Variants in CNTN6 observed in about 807,000 individuals in gnomAD.
CNTN6 encodes the protein contactin-6.
Under a neutral mutation model 122.8 loss-of-function variants are expected in CNTN6, and 137 were observed. The ratio of observed to expected loss-of-function variants is 1.12; its 90% CI spans 0.97 to 1.29. The LOEUF (loss-of-function observed/expected upper bound fraction) is 1.29. Among genes scored for constraint, CNTN6 ranks in the 50% most tolerant of loss-of-function variants. The probability of loss-of-function intolerance (pLI) is 0.00; values close to 1 mark genes in which losing one functional copy is unlikely to be tolerated. For synonymous variants in CNTN6, 570 were observed against 426.0 expected (o/e 1.34, Z -4.16); for missense variants, 1,634 against 1,223.4 (o/e 1.34, Z -5.01).
chr3:1,218,091 A>T (rs1163442683), intron 2 of CNTN6, among the ~76,000 whole-genome samples: 1 of 152,050 alleles, frequency 6.6e-6, no homozygotes, highest in Non-Finnish European at 1.5e-5. Flanking sequence ...AACCTGAGAG[A>T]GGCGAGAGAG....
intron 5 of CNTN6, among the ~76,000 whole-genome samples, chr3:1,282,883 G>C (rs1303200953): frequency 6.6e-6 from 1 of 152,134 alleles, no homozygotes; most frequent in Non-Finnish European, 1.5e-5. Flanking sequence ...AAATTTACTA[G>C]TTGGCCAAAC....
intron 8 of CNTN6, among the ~76,000 whole-genome samples, chr3:1,322,370 A>G (rs1700977605): frequency 6.6e-6 from 1 of 151,708 alleles, no homozygotes; most frequent in African/African-American, 2.4e-5. Context: ...AAGAGAGACG[A>G]TGAATGCATA....
rs539338364 is a variant in CNTN6, at chr3:1,194,760, C to T, written c.56-25927C>T. Among the ~76,000 whole-genome samples, 4 of 152,182 alleles carry T rather than the reference C, an allele frequency of 2.6e-5. No homozygotes were observed. In the East Asian group the frequency reaches 7.7e-4, roughly 29 times the overall value. On this transcript the variant is annotated intron_variant, in intron 2 of 22. Transcript: ENST00000446702. ...TTCATTTCTCCCAATACCCCAGAGC[C>T]AATTTTCACCTCCTTGGGGGTGATG...
intron 3 of CNTN6, among the ~76,000 whole-genome samples, chr3:1,221,816 G>C (rs1333793355): frequency 6.6e-6 from 1 of 152,082 alleles, no homozygotes; most frequent in African/African-American, 2.4e-5. Context: ...GTAGCTTTGG[G>C]TTTTAAAACC....
chr3:1,220,998 T>A (rs2094200481), intron 3 of CNTN6, among the ~76,000 whole-genome samples, 185 bp downstream of exon 3: 1 of 152,152 alleles, frequency 6.6e-6, no homozygotes, highest in African/African-American at 2.4e-5. Flanking sequence ...TACCCCAGGG[T>A]ATTCCCTCAT....
chr3:1,388,612 T>C (rs1693573288), intron 20 of CNTN6, among the ~76,000 whole-genome samples: 1 of 148,564 alleles, frequency 6.7e-6, no homozygotes, highest in Non-Finnish European at 1.5e-5. Flanking sequence ...ATCAAATTAC[T>C]CTGAGCTACG....
At chr3:1,127,596 C>T (rs1467122366) in intron 1 of CNTN6, among the ~76,000 whole-genome samples, 1 of 151,818 alleles carries the variant, frequency 6.6e-6, no homozygotes, top group Non-Finnish European at 1.5e-5. Context: ...CAGAAGAAGC[C>T]TGTGAAGTCA....
At chr3:1,127,953 T>G (rs1482231594) in intron 1 of CNTN6, among the ~76,000 whole-genome samples, 3 of 151,868 alleles carry the variant, frequency 2.0e-5, no homozygotes, top group African/African-American at 7.2e-5. Context: ...TTAAATTGAG[T>G]GAGCACAGTC....
intron 1 of CNTN6, among the ~76,000 whole-genome samples, chr3:1,127,139 A>G (rs1458641678): frequency 6.6e-6 from 1 of 151,796 alleles, no homozygotes; most frequent in Admixed American, 6.6e-5. Context: ...TATTTCATTT[A>G]CGAGCAAAAT....
At chr3:1,319,109 G>A (rs1700501436) in intron 7 of CNTN6, among the ~76,000 whole-genome samples, 1 of 151,540 alleles carries the variant, frequency 6.6e-6, no homozygotes, top group Non-Finnish European at 1.5e-5. Flanking sequence ...ACACAATTGG[G>A]CCACTTAAAA....
intron 5 of CNTN6, among the ~76,000 whole-genome samples, chr3:1,291,985 A>G (rs765413098): frequency 1.3e-5 from 2 of 152,114 alleles, no homozygotes; most frequent in African/African-American, 2.4e-5. Context: ...GCTGAAGGAA[A>G]CCATTCGTAG....
intron 17 of CNTN6, among the ~76,000 whole-genome samples, chr3:1,377,510 C>T (rs75176421): frequency 6.6e-6 from 1 of 152,256 alleles, no homozygotes; most frequent in East Asian, 1.9e-4. Flanking sequence ...AGCTTAGGCA[C>T]ATGGAGTAGA....
intron 4 of CNTN6, among the ~76,000 whole-genome samples, chr3:1,256,719 A>G (rs2094765078): frequency 6.6e-6 from 1 of 152,192 alleles, no homozygotes; most frequent in South Asian, 2.1e-4. Flanking sequence ...AGGGAATATA[A>G]ATAGATATGT....
At chr3:1,276,570 C>G (rs1316271883) in intron 4 of CNTN6, among the ~76,000 whole-genome samples, 2 of 152,156 alleles carry the variant, frequency 1.3e-5, no homozygotes. Context: ...ACAACACTGG[C>G]TTCTATTCAG....
At chr3:1,295,567 T>G in intron 5 of CNTN6, 34 bp from the exon 6 acceptor site, 2 of 1,543,900 alleles carry the variant, frequency 1.3e-6, no homozygotes, top group South Asian at 1.1e-5. Context: ...ACAGTATGGT[T>G]TTGTTTTGTT....
chr3:1,093,450 A>G (rs1161254256), intron 1 of CNTN6, among the ~76,000 whole-genome samples: 1 of 151,952 alleles, frequency 6.6e-6, no homozygotes, highest in African/African-American at 2.4e-5. Context: ...GACAGTGCTA[A>G]TTCTGGGACT....
chr3:1,358,458 A>AT (rs34913678), intron 12 of CNTN6, among the ~76,000 whole-genome samples: 346 of 144,754 alleles, frequency 2.4e-3, no homozygotes, highest in Admixed American at 4.3e-3. Context: ...CTCTAGGGCC[A>AT]TTTTTTTTTT....
At chr3:1,306,631 G>A (rs1446588975) in intron 7 of CNTN6, among the ~76,000 whole-genome samples, 1 of 143,908 alleles carries the variant, frequency 6.9e-6, no homozygotes, top group Non-Finnish European at 1.5e-5. Context: ...TCTGTATAAG[G>A]AAGGCAAAAA....
At position 1,159,257 on chromosome 3, in the gene CNTN6, C is replaced by T. The variant is rs938092136; in HGVS notation, c.55+11194C>T. On this transcript the variant is annotated intron_variant, in intron 2 of 22. Transcript: ENST00000446702. ...ACCATGAACAGTCCCAAGCCCTATA[C>T]GCATTATGTTTCTTCAGTCTGATAA... is the stretch of plus-strand genomic sequence containing the variant. 5.9e-5 allele frequency among the ~76,000 whole-genome samples: 9 copies of T among 151,846 alleles called. No individual in the cohort carries two copies. The South Asian group carries it at 6.2e-4, about 11-fold the overall frequency.
Sources: allele counts gnomAD v4.1 joint callset (sites outside exome capture counted in the v4.1 genomes callset), GRCh38; gene constraint gnomAD v4.1.1; transcripts MANE v1.5; gene names NCBI Gene and HGNC (gene_info 2026-07-23, HGNC 2026-07-21).